ERBB4: variants seen among roughly 807,000 people sequenced by gnomAD.
The protein encoded by ERBB4 is erb-b2 receptor tyrosine kinase 4, also known as receptor tyrosine-protein kinase erbB-4.
Under a neutral mutation model 158.0 loss-of-function variants are expected in ERBB4, and 42 were observed. The observed-to-expected ratio is 0.27, with a 90% CI of 0.21 to 0.34. ERBB4 has a LOEUF of 0.34. ERBB4 is among the 10% of genes least tolerant of loss of function. The probability of loss-of-function intolerance (pLI) is 1.00; values close to 1 mark genes in which losing one functional copy is unlikely to be tolerated. For synonymous variants in ERBB4, 583 were observed against 558.7 expected (o/e 1.04, Z -0.61); for missense variants, 1,333 against 1,624.1 (o/e 0.82, Z 3.08).
chr2:212,485,451 G>T (rs1689922244), intron 1 of ERBB4, among the ~76,000 whole-genome samples: 2 of 152,166 alleles, frequency 1.3e-5, no homozygotes, highest in African/African-American at 4.8e-5. Flanking sequence ...TAGCACACAA[G>T]AGAAGGCTGA....
intron 3 of ERBB4, among the ~76,000 whole-genome samples, chr2:211,865,851 T>C (rs972055824): frequency 6.6e-6 from 1 of 152,164 alleles, no homozygotes; most frequent in African/African-American, 2.4e-5. Context: ...CCAGTACCAT[T>C]CATATTATAC....
chr2:211,842,251 T>C (rs943754597), intron 3 of ERBB4, among the ~76,000 whole-genome samples: 2 of 142,530 alleles, frequency 1.4e-5, no homozygotes, highest in Non-Finnish European at 3.1e-5. Flanking sequence ...AATAAGGCTG[T>C]TGGGTTTTTT....
chr2:211,620,120 A>G (rs901500360), intron 18 of ERBB4, among the ~76,000 whole-genome samples: 12 of 152,164 alleles, frequency 7.9e-5, no homozygotes, highest in African/African-American at 2.9e-4. Context: ...AATGATTTTG[A>G]TAAGACATAC....
chr2:211,509,154 A>AG (rs56166526), intron 20 of ERBB4, among the ~76,000 whole-genome samples: 2 of 151,012 alleles, frequency 1.3e-5, no homozygotes, highest in East Asian at 3.9e-4. Flanking sequence ...GGACACAGGG[A>AG]GGGGGGAGTA....
intron 20 of ERBB4, among the ~76,000 whole-genome samples, chr2:211,547,382 T>C (rs1238728529): frequency 6.6e-6 from 1 of 152,136 alleles, no homozygotes; most frequent in Non-Finnish European, 1.5e-5. Flanking sequence ...GACATTCTCA[T>C]TCTTTGTTTC....
chr2:211,849,872 G>A (rs1001985470), intron 3 of ERBB4, among the ~76,000 whole-genome samples: 1 of 151,872 alleles, frequency 6.6e-6, no homozygotes, highest in African/African-American at 2.4e-5. Flanking sequence ...TGCACAAATA[G>A]CATGTTTGGT....
At chr2:211,788,860 C>A (rs1204946369) in intron 3 of ERBB4, among the ~76,000 whole-genome samples, 2 of 152,182 alleles carry the variant, frequency 1.3e-5, no homozygotes, top group South Asian at 2.1e-4. Flanking sequence ...GATAAGATTG[C>A]CAATTATTCT....
chr2:211,931,725 T>G (rs2080182502), intron 3 of ERBB4, among the ~76,000 whole-genome samples: 1 of 152,106 alleles, frequency 6.6e-6, no homozygotes, highest in Non-Finnish European at 1.5e-5. Context: ...ATACGAATCT[T>G]CTGGTTGCTA....
chr2:212,095,536 A>G (rs1218500116), intron 2 of ERBB4, among the ~76,000 whole-genome samples: 1 of 152,236 alleles, frequency 6.6e-6, no homozygotes, highest in East Asian at 1.9e-4. Context: ...TGTGATACAA[A>G]TCAAAGAACA....
chr2:211,380,343 T>C lies in ERBB4; in HGVS notation c.*3272A>G, dbSNP rs2125300170. ...TTACCACTTTCTTTAGGCAATCATT[T>C]AACTGCAAAATTTTTCCATACCTGC... is the stretch of plus-strand genomic sequence containing the variant. On this transcript the variant is annotated 3_prime_UTR_variant, in exon 28 of 28. Coordinates refer to ENST00000342788, the MANE Select transcript of ERBB4 (RefSeq NM_005235.3). The C allele has an allele frequency of 4.3e-6, 1 of 231,826 alleles. No homozygotes were observed. The highest frequency in any genetic ancestry group is 6.1e-5 in the East Asian group (1 of 16,386). 14.4% of individuals were successfully genotyped at this position (231,826 alleles called of 1,614,324 possible).
At chr2:212,044,388 A>G (rs2077208388) in intron 2 of ERBB4, among the ~76,000 whole-genome samples, 1 of 152,152 alleles carries the variant, frequency 6.6e-6, no homozygotes, top group African/African-American at 2.4e-5. Flanking sequence ...TCCTCTTTCA[A>G]TGCCGATATT....
At chr2:211,773,970 G>C (rs888033744) in intron 4 of ERBB4, among the ~76,000 whole-genome samples, 3 of 151,710 alleles carry the variant, frequency 2.0e-5, no homozygotes, top group African/African-American at 7.3e-5. Context: ...GTTATCCCTA[G>C]GGTAACTTAT....
chr2:212,083,740 T>C (rs1385245611), intron 2 of ERBB4, among the ~76,000 whole-genome samples: 2 of 151,868 alleles, frequency 1.3e-5, no homozygotes, highest in African/African-American at 4.8e-5. Context: ...CTTTAAAATA[T>C]TTATCTCCAG....
Position 212,061,453 on chromosome 2 carries a change from C to CAA in ERBB4, c.234+63297_234+63298dup, listed in dbSNP as rs754237880. Among the ~76,000 whole-genome samples the CAA allele has an allele frequency of 8.2e-3, 187 of 22,844 alleles. 27 individuals carry two copies. Among genetic ancestry groups the CAA allele is most frequent in the Non-Finnish European group, 9.8e-3 (126 of 12,834 alleles). 15.0% of individuals were successfully genotyped at this position (22,844 alleles called of 152,430 possible). ...GGGTGACAGAGTGAGACTCTGTCTC[C>CAA]AAAAAAAAAAAAAAAAAAAAAAAAA... On this transcript the variant is annotated intron_variant, in intron 2 of 27. Transcript: ENST00000342788.
chr2:212,238,586 G>C (rs192879779), intron 1 of ERBB4, among the ~76,000 whole-genome samples: 195 of 152,192 alleles, frequency 1.3e-3, no homozygotes, highest in African/African-American at 4.6e-3. Flanking sequence ...TTAAAATGAA[G>C]AGCTTGATTG....
intron 1 of ERBB4, among the ~76,000 whole-genome samples, chr2:212,342,543 C>A (rs2088773626): frequency 6.6e-6 from 1 of 152,106 alleles, no homozygotes; most frequent in African/African-American, 2.4e-5. Flanking sequence ...GGTATTCCTT[C>A]ATAGCAGTAT....
chr2:212,339,677 AT>A (rs371078415), intron 1 of ERBB4, among the ~76,000 whole-genome samples: 5,206 of 150,808 alleles, frequency 0.035, 134 homozygotes, highest in South Asian at 0.09. Context: ...AGAAAGATTA[AT>A]TTTTTTTTTC....
rs747361314 is a variant in ERBB4, at chr2:211,705,307, TAA to T, written c.1198+9_1198+10del. 6.3e-7 allele frequency: 1 copy of T among 1,587,498 alleles called. No homozygotes were observed. The highest frequency in any genetic ancestry group is 2.2e-5 in the East Asian group (1 of 44,732). On this transcript the variant is annotated intron_variant, in intron 10 of 27. Coordinates refer to ENST00000342788, the MANE Select transcript of ERBB4 (RefSeq NM_005235.3). ...TGTTCATAGCGCAACAGTTGCAGTT[TAA>T]AAAATTACCTGTTATCTCTCTGACT...
At chr2:211,698,644 C>T (rs2073116414) in intron 12 of ERBB4, among the ~76,000 whole-genome samples, 1 of 151,756 alleles carries the variant, frequency 6.6e-6, no homozygotes, top group South Asian at 2.1e-4. Flanking sequence ...GAATTTATCT[C>T]TTATTCATGT....
Sources: allele counts gnomAD v4.1 joint callset (sites outside exome capture counted in the v4.1 genomes callset), GRCh38; gene constraint gnomAD v4.1.1; transcripts MANE v1.5; gene names NCBI Gene and HGNC (gene_info 2026-07-23, HGNC 2026-07-21).